The following RUFY3 variants were observed in gnomAD, a reference collection of about 807,000 sequenced individuals.
RUFY3 encodes the protein protein RUFY3.
RUFY3 carries 34 observed loss-of-function variants against 84.0 expected under a neutral mutation model. That is an observed-to-expected ratio of 0.40 (90% CI 0.31 to 0.54). RUFY3 has a LOEUF of 0.54. Among genes scored for constraint, RUFY3 ranks in the 20% least tolerant of loss-of-function variants. The pLI is 0.39. For missense variants in RUFY3, 507 were observed against 736.8 expected, an observed-to-expected ratio of 0.69 and a Z score of 3.61; for synonymous variants, 242 against 252.9, an observed-to-expected ratio of 0.96 and a Z score of 0.41.
At chr4:70,768,070 A>G (rs1413829096) in intron 4 of RUFY3, among the ~76,000 whole-genome samples, 1 of 152,158 alleles carries the variant, frequency 6.6e-6, no homozygotes, top group African/African-American at 2.4e-5. Context: ...CCTGGGCTCA[A>G]GCAGTCCTCC....
chr4:70,763,659 C>G lies in RUFY3; in HGVS notation c.460C>G (p.Pro154Ala). ...GATAACAGCAAGTGTTAAAGATCTT[C>G]CAGGACTTAAGTAAGTCTAAGGTTG... Reference protein sequence around the residue: ...AEITASVKDLPGLKTPVGRGR... With the variant: ...AEITASVKDLAGLKTPVGRGR... Residue 154 changes from proline (P) to alanine (A), a missense_variant, in exon 3 of 18, where the codon CCA becomes GCA. Pro to Ala is a conservative substitution (Grantham distance 27). This residue lies in a region of RUFY3 where 133 missense variants were observed against 301.1 expected (regional missense o/e 0.44). Transcript: ENST00000381006. The G allele has an allele frequency of 6.2e-7, 1 of 1,610,996 alleles. No individual in the cohort carries two copies. The highest frequency in any genetic ancestry group is 8.5e-7 in the Non-Finnish European group (1 of 1,178,562).
intron 6 of RUFY3, among the ~76,000 whole-genome samples, chr4:70,773,992 T>C (rs1051232297): frequency 5.3e-5 from 8 of 152,226 alleles, no homozygotes; most frequent in Non-Finnish European, 1.0e-4. Context: ...ACATGGGAAC[T>C]CTGTGCTGCG....
At chr4:70,708,296 C>T (rs1204369388) in intron 1 of RUFY3, among the ~76,000 whole-genome samples, 2 of 151,964 alleles carry the variant, frequency 1.3e-5, no homozygotes, top group African/African-American at 2.4e-5. Flanking sequence ...CTCAGCCTCC[C>T]AAGTAGTTGG....
intron 1 of RUFY3, among the ~76,000 whole-genome samples, chr4:70,723,880 T>A (rs1410029240): frequency 6.6e-6 from 1 of 152,230 alleles, no homozygotes; most frequent in African/African-American, 2.4e-5. Flanking sequence ...CCCATTGTGT[T>A]TGATAAGCAT....
intron 1 of RUFY3, among the ~76,000 whole-genome samples, chr4:70,726,882 C>T (rs1718342461): frequency 1.3e-5 from 2 of 152,160 alleles, no homozygotes; most frequent in Non-Finnish European, 2.9e-5. Flanking sequence ...TCTTACTTTG[C>T]TTGTGCCATG....
At position 70,736,111 on chromosome 4, in the gene RUFY3, G is replaced by A. The variant is rs184848214; in HGVS notation, c.178+13360G>A. Among the ~76,000 whole-genome samples the A allele has an allele frequency of 1.8e-3, 271 of 147,026 alleles. 1 individual carries two copies. The highest frequency in any genetic ancestry group is 6.7e-3 in the Admixed American group (98 of 14,580). On this transcript the variant is annotated intron_variant, in intron 1 of 17. Coordinates refer to ENST00000381006, the MANE Select transcript of RUFY3 (RefSeq NM_001037442.4). ...CAAGGCTGCTGTGAGCTGTGATTGC[G>A]CCACAGTGCTCCACTGGGTGGCAGA...
intron 1 of RUFY3, among the ~76,000 whole-genome samples, chr4:70,731,707 A>G (rs577408813): frequency 7.9e-5 from 12 of 152,254 alleles, no homozygotes; most frequent in African/African-American, 2.9e-4. Context: ...AGCTGGGACT[A>G]TAAATGTGCA....
chr4:70,704,644 T>C (rs1335146851), upstream of RUFY3, among the ~76,000 whole-genome samples: 1 of 146,314 alleles, frequency 6.8e-6, no homozygotes, highest in Non-Finnish European at 1.5e-5. Context: ...CGCTGCCCCC[T>C]AGGGGAGCCG....
rs751716414 is a variant in RUFY3 at position 70,794,871 on chromosome 4, T to TC, written c.1537dup (p.Gln513ProfsTer19). ...CGACAGGAGCATCCCAGGAAGGGGT[T>TC]CCCAGAAGTCAGAATCCAAGATGGT... On this transcript the variant is annotated frameshift_variant, in exon 14 of 18. Coordinates refer to ENST00000381006, the MANE Select transcript of RUFY3 (RefSeq NM_001037442.4). LOFTEE classifies it high-confidence loss of function. The TC allele has an allele frequency of 3.0e-5, 48 of 1,609,282 alleles. No homozygotes were observed. In the African/African-American group the frequency reaches 5.9e-4, roughly 20 times the overall value.
chr4:70,761,867 A>C (rs1725089553), intron 1 of RUFY3, among the ~76,000 whole-genome samples: 3 of 152,036 alleles, frequency 2.0e-5, no homozygotes, highest in Admixed American at 1.3e-4. Context: ...TTTTTCCTAC[A>C]TTGGGGCTTT....
chr4:70,705,269 C>T, exon 1 of RUFY3: 2 of 1,434,778 alleles, frequency 1.4e-6, no homozygotes, highest in African/African-American at 1.5e-5. Context: ...GCGGCGGCGG[C>T]GGCAGCAGCG....
At chr4:70,783,070 T>C (rs1443230028) in intron 8 of RUFY3, 21 bp from the exon 9 acceptor site, 1 of 1,438,960 alleles carries the variant, frequency 6.9e-7, no homozygotes, top group Non-Finnish European at 9.6e-7. Flanking sequence ...TAAAAGATTA[T>C]TTTTAAAATT....
chr4:70,716,644 G>A (rs1424667242), intron 1 of RUFY3, among the ~76,000 whole-genome samples: 1 of 151,774 alleles, frequency 6.6e-6, no homozygotes, highest in African/African-American at 2.4e-5. Flanking sequence ...AGGAATTCAA[G>A]ACCAGCCTGG....
chr4:70,729,077 A>G (rs1241054728), intron 1 of RUFY3, among the ~76,000 whole-genome samples: 1 of 152,196 alleles, frequency 6.6e-6, no homozygotes, highest in Non-Finnish European at 1.5e-5. Context: ...GAATTAGTAC[A>G]ATAATGGGGT....
chr4:70,723,274 A>C (rs1433714081), intron 1 of RUFY3, among the ~76,000 whole-genome samples: 1 of 152,192 alleles, frequency 6.6e-6, no homozygotes, highest in Non-Finnish European at 1.5e-5. Context: ...TTTTTTTAAC[A>C]ATATGGATTA....
chr4:70,802,733 A>AT, intron 15 of RUFY3: 1 of 418,292 alleles, frequency 2.4e-6, no homozygotes, highest in Non-Finnish European at 4.2e-6. Flanking sequence ...GGGAACCCTT[A>AT]TATAATAAGT....
chr4:70,727,384 C>A, intron 1 of RUFY3, among the ~76,000 whole-genome samples: 1 of 131,274 alleles, frequency 7.6e-6, no homozygotes, highest in Admixed American at 8.1e-5. Flanking sequence ...GAGACAGAGT[C>A]TCACTCTGTT....
intron 1 of RUFY3, among the ~76,000 whole-genome samples, chr4:70,725,963 T>C (rs1010685906): frequency 6.6e-6 from 1 of 152,204 alleles, no homozygotes; most frequent in Non-Finnish European, 1.5e-5. Context: ...CTTGATTCTG[T>C]AGTGAAAAGC....
chr4:70,759,769 C>T (rs1724708144), intron 1 of RUFY3, among the ~76,000 whole-genome samples: 1 of 152,116 alleles, frequency 6.6e-6, no homozygotes, highest in Non-Finnish European at 1.5e-5. Context: ...ATTACTATAA[C>T]AGATTTTTGT....
Sources: allele counts gnomAD v4.1 joint callset (sites outside exome capture counted in the v4.1 genomes callset), GRCh38; gene constraint gnomAD v4.1.1; regional missense constraint gnomAD v4.1.1; transcripts MANE v1.5; gene names NCBI Gene and HGNC (gene_info 2026-07-23, HGNC 2026-07-21).